The following TRABD variants were observed in gnomAD, a reference collection of about 807,000 sequenced individuals.
TRABD encodes traB domain-containing protein.
A neutral mutation model predicts 39.6 loss-of-function variants in TRABD; 23 were observed. The ratio of observed to expected loss-of-function variants is 0.58; its 90% CI spans 0.42 to 0.82. TRABD has a LOEUF of 0.82. Among genes scored for constraint, TRABD ranks in the 40% least tolerant of loss-of-function variants. The pLI is 0.00. For synonymous variants in TRABD, 243 were observed against 232.1 expected, an observed-to-expected ratio of 1.05 and a Z score of -0.43; for missense variants, 487 against 544.9, an observed-to-expected ratio of 0.89 and a Z score of 1.06.
chr22:50,198,632 TG>T lies in TRABD; in HGVS notation c.*116del, dbSNP rs2064217122. 1.7e-6 allele frequency: 2 copies of T among 1,156,932 alleles called. No homozygotes were observed. The highest frequency in any genetic ancestry group is 2.3e-6 in the Non-Finnish European group (2 of 858,720). 71.7% of individuals were successfully genotyped at this position (1,156,932 alleles called of 1,614,324 possible). On this transcript the variant is annotated 3_prime_UTR_variant, in exon 10 of 10. Transcript: ENST00000380909. This position sits in a 1 kb window ranked among gnomAD's most constrained non-coding sequence, Gnocchi z 7.9. ...GCCCCTGCCACCCCCCATGGGGGTCTGGGCCCGGCCTCGCCTGCCCTCCTGG... is the reference window on the plus strand; with the variant it reads ...GCCCCTGCCACCCCCCATGGGGGTCTGGCCCGGCCTCGCCTGCCCTCCTGG...
In TRABD at chr22:50,197,878, G is replaced by A. The variant is rs777992011; in HGVS notation, c.727G>A (p.Glu243Lys). Residue 243 changes from glutamate (E) to lysine (K), a missense_variant, in exon 8 of 10, where the codon GAG becomes AAG. By Grantham distance (56) the Glu-to-Lys change is moderately conservative. Around this residue, in one of 3 missense-constraint regions of TRABD, gnomAD observed 358 missense variants for 414.7 expected, o/e 0.86. Coordinates refer to ENST00000380909, the MANE Select transcript of TRABD (RefSeq NM_001320485.2). Reference protein sequence around the residue: ...QKDLLEQMMAEMIGEFPDLHR... With the variant: ...QKDLLEQMMAKMIGEFPDLHR... The stretch of plus-strand genomic sequence containing the variant: ...GGACCTACTGGAGCAGATGATGGCC[G>A]AGATGATTGGCGAGTTCCCAGACCT... 7 of 1,611,852 alleles carry A rather than the reference G, an allele frequency of 4.3e-6. No homozygotes were observed. The highest frequency in any genetic ancestry group is 3.3e-5 in the South Asian group (3 of 90,962).
chr22:50,192,241 C>T (rs738339), intron 1 of TRABD: 81,952 of 152,252 alleles, frequency 0.54, 23,537 homozygotes, highest in African/African-American at 0.73. Context: ...TCCCTGGCCC[C>T]GCCTCGAGGG....
At chr22:50,186,399 CAGG>C (rs1189054201) in intron 1 of TRABD, among the ~76,000 whole-genome samples, 4 of 151,902 alleles carry the variant, frequency 2.6e-5, no homozygotes, top group Non-Finnish European at 2.9e-5. Flanking sequence ...GGGGCGGGAG[CAGG>C]CCCCGCGCGT....
At chr22:50,197,776 C>CCCCCCGG in intron 7 of TRABD, 47 bp from the exon 8 acceptor site, 1 of 1,439,450 alleles carries the variant, frequency 6.9e-7, no homozygotes, top group African/African-American at 1.4e-5. Flanking sequence ...CCCACCCCCC[C>CCCCCCGG]AGCCCGTTGC....
intron 7 of TRABD, 67 bp downstream of exon 7, chr22:50,197,655 T>C (rs934711493): frequency 6.3e-7 from 1 of 1,595,386 alleles, no homozygotes; most frequent in Non-Finnish European, 8.6e-7. Context: ...GGCCCTCCTG[T>C]GCAGGTCCAA....
chr22:50,190,082 C>T (rs991359153), intron 1 of TRABD, among the ~76,000 whole-genome samples: 2 of 152,142 alleles, frequency 1.3e-5, no homozygotes, highest in Admixed American at 1.3e-4. Context: ...GGGGCCTTGG[C>T]GAGGAGGGAA....
intron 1 of TRABD, among the ~76,000 whole-genome samples, chr22:50,186,686 C>T (rs1272777969): frequency 6.6e-6 from 1 of 152,230 alleles, no homozygotes; most frequent in Non-Finnish European, 1.5e-5. Flanking sequence ...TCCCCTCCGG[C>T]CCCGCTGAAA....
In TRABD at chr22:50,198,312, C is replaced by T; in HGVS notation, c.957-33C>T. The stretch of plus-strand genomic sequence containing the variant: ...GGGCTGGGGTATGGGGAGCCCACCC[C>T]CAGCCAGGCCCAGCGCCCCCTCCCT... On this transcript the variant is annotated intron_variant, in intron 9 of 9. Transcript: ENST00000380909. This position sits in a 1 kb window ranked among gnomAD's most constrained non-coding sequence, Gnocchi z 7.9. 6.5e-7 allele frequency: 1 copy of T among 1,528,922 alleles called. No individual in the cohort carries two copies. Among genetic ancestry groups the T allele is most frequent in the Non-Finnish European group, 8.8e-7 (1 of 1,133,496 alleles). 94.7% of individuals were successfully genotyped at this position (1,528,922 alleles called of 1,614,324 possible). A position where few individuals can be genotyped will look rare whatever the true frequency, so the allele number is the denominator to read the frequency against.
chr22:50,195,697 C>T (rs1362262357), intron 5 of TRABD, among the ~76,000 whole-genome samples: 2 of 152,068 alleles, frequency 1.3e-5, no homozygotes, highest in Non-Finnish European at 2.9e-5. Context: ...CTCCTGAGCT[C>T]AGGCAATCCA....
Position 50,197,198 on chromosome 22 carries a change from C to G in TRABD, c.421-43C>G, listed in dbSNP as rs5771095. 2.5e-6 allele frequency: 4 copies of G among 1,583,026 alleles called. No individual in the cohort carries two copies. The East Asian group carries it at 6.7e-5, about 27-fold the overall frequency. ...TTCTGCCATTCCCCCAGCGCACCCC[C>G]GCACCCGCCCCTCCAGCTGATGCCT... On this transcript the variant is annotated intron_variant, in intron 5 of 9. Coordinates refer to ENST00000380909, the MANE Select transcript of TRABD (RefSeq NM_001320485.2).
chr22:50,188,304 C>T (rs976969140), intron 1 of TRABD, among the ~76,000 whole-genome samples: 2 of 152,082 alleles, frequency 1.3e-5, no homozygotes, highest in African/African-American at 4.8e-5. Context: ...AATGAGGTCT[C>T]GCTAAGTTGC....
intron 1 of TRABD, among the ~76,000 whole-genome samples, chr22:50,189,009 C>A (rs2063827115): frequency 6.6e-6 from 1 of 152,228 alleles, no homozygotes; most frequent in Non-Finnish European, 1.5e-5. Flanking sequence ...GCCAGATATC[C>A]CTTTTTACAG....
rs1379340716 is a variant in TRABD at position 50,199,304 on chromosome 22, C to G, written c.*785C>G. ...AAGGGGTGCCTGGGGCATCTTGGCC[C>G]TCTCTGGGCAGACAATGTGTGCACC... On this transcript the variant is annotated 3_prime_UTR_variant, in exon 10 of 10. Transcript: ENST00000380909. 3.5e-6 allele frequency: 2 copies of G among 576,756 alleles called. No homozygotes were observed. The highest frequency in any genetic ancestry group is 3.8e-5 in the African/African-American group (2 of 53,052). The allele number at this position is 576,756 out of a possible 1,614,324, so 35.7% of individuals were successfully genotyped here.
In TRABD at chr22:50,188,630, C is replaced by T. The variant is rs536018628; in HGVS notation, c.-35+2654C>T. 1.6e-4 allele frequency among the ~76,000 whole-genome samples: 24 copies of T among 152,302 alleles called. No individual in the cohort carries two copies. In the South Asian group the frequency reaches 2.7e-3, roughly 17 times the overall value. ...GGGGCTATGCACTCATGACCTCATC[C>T]GAACCTGATCACCTCCTGGAGGCCC... On this transcript the variant is annotated intron_variant, in intron 1 of 9. Coordinates refer to ENST00000380909, the MANE Select transcript of TRABD (RefSeq NM_001320485.2).
intron 1 of TRABD, among the ~76,000 whole-genome samples, chr22:50,186,579 G>T (rs1237314423): frequency 1.3e-5 from 2 of 152,182 alleles, no homozygotes; most frequent in African/African-American, 4.8e-5. Flanking sequence ...CGCCTGCGGT[G>T]GAGCCGGCCG....
At chr22:50,186,797 G>A (rs1385884346) in intron 1 of TRABD, among the ~76,000 whole-genome samples, 1 of 152,256 alleles carries the variant, frequency 6.6e-6, no homozygotes, top group African/African-American at 2.4e-5. Context: ...CCCGCTGTGC[G>A]CAGCCCAAAC....
chr22:50,194,657 G>T, intron 4 of TRABD, 151 bp downstream of exon 4: 1 of 1,349,170 alleles, frequency 7.4e-7, no homozygotes, highest in Non-Finnish European at 1.0e-6. Flanking sequence ...GTGGCAAGGT[G>T]GGCTTCCTGC....
chr22:50,187,946 C>T (rs1300594511), intron 1 of TRABD, among the ~76,000 whole-genome samples: 2 of 151,362 alleles, frequency 1.3e-5, no homozygotes, highest in African/African-American at 4.9e-5. Flanking sequence ...TGCCACTGCA[C>T]TCCAGCGTGG....
intron 4 of TRABD, 92 bp from the exon 5 acceptor site, chr22:50,194,808 G>C: frequency 6.5e-7 from 1 of 1,530,180 alleles, no homozygotes. Flanking sequence ...AAGGCTGGCT[G>C]CTCCTGGGAT....
Sources: gnomAD v4.1 joint callset for allele counts (sites outside exome capture counted in the v4.1 genomes callset) on GRCh38, gnomAD v4.1.1 for gene constraint, gnomAD v4.1.1 regional missense constraint, Gnocchi (gnomAD v3.1) non-coding constraint, MANE v1.5 for transcripts, NCBI Gene and HGNC (gene_info 2026-07-23, HGNC 2026-07-21) for gene names.